SESTD1: variants seen among roughly 807,000 people sequenced by gnomAD.
SESTD1 encodes SEC14 and spectrin domain containing 1, also known as SEC14 domain and spectrin repeat-containing protein 1.
In SESTD1, 43 loss-of-function variants were observed where a neutral mutation model predicts 101.7. The ratio of observed to expected loss-of-function variants is 0.42; its 90% CI spans 0.33 to 0.55. The LOEUF is 0.55. Among genes scored for constraint, SESTD1 ranks in the 20% least tolerant of loss-of-function variants. The pLI is 0.07. For missense variants in SESTD1, 647 were observed against 815.1 expected (o/e 0.79, Z 2.51); for synonymous variants, 283 against 286.8 (o/e 0.99, Z 0.13).
intron 17 of SESTD1, among the ~76,000 whole-genome samples, chr2:179,111,082 T>A (rs1033479580): frequency 2.6e-5 from 4 of 152,122 alleles, no homozygotes; most frequent in African/African-American, 4.8e-5. Flanking sequence ...GACAACTGGC[T>A]GTGAAATGTA....
chr2:179,166,491 C>A lies in SESTD1; in HGVS notation c.369+5629G>T, dbSNP rs879907030. 5.2e-4 allele frequency among the ~76,000 whole-genome samples: 79 copies of A among 152,174 alleles called. 1 individual carries two copies. Among genetic ancestry groups the A allele is most frequent in the Non-Finnish European group, 1.2e-4 (8 of 68,008 alleles). Reference sequence around the variant, plus strand: ...AGACTATCACAGGGGAGGGAGTAGACCCAGGAATATATTATAAACCCGAAC... The same window carrying A: ...AGACTATCACAGGGGAGGGAGTAGAACCAGGAATATATTATAAACCCGAAC... On this transcript the variant is annotated intron_variant, in intron 5 of 17. Coordinates refer to ENST00000428443, the MANE Select transcript of SESTD1 (RefSeq NM_178123.5).
chr2:179,236,160 T>TCAAGATA (rs2047062427), intron 1 of SESTD1, among the ~76,000 whole-genome samples: 1 of 151,380 alleles, frequency 6.6e-6, no homozygotes, highest in African/African-American at 2.4e-5. Context: ...GTTGAATTAC[T>TCAAGATA]TAATATGAAC....
chr2:179,119,378 TTA>T (rs2044699999), intron 13 of SESTD1, among the ~76,000 whole-genome samples: 1 of 152,136 alleles, frequency 6.6e-6, no homozygotes, highest in African/African-American at 2.4e-5. Context: ...AGGCAGGAAA[TTA>T]AAAAAGGAGA....
intron 1 of SESTD1, among the ~76,000 whole-genome samples, chr2:179,195,959 T>C (rs2046384926): frequency 6.6e-6 from 1 of 151,998 alleles, no homozygotes. Flanking sequence ...GGAGCCAAGA[T>C]GGCCGAATAG....
chr2:179,229,774 T>TATATATATATATAC (rs1324308376), intron 1 of SESTD1, among the ~76,000 whole-genome samples: 1 of 115,040 alleles, frequency 8.7e-6, no homozygotes. Flanking sequence ...TATATATATA[T>TATATATATATATAC]ACTCAAATAC....
intron 9 of SESTD1, among the ~76,000 whole-genome samples, chr2:179,136,135 G>A (rs2045137818): frequency 6.6e-6 from 1 of 152,154 alleles, no homozygotes; most frequent in African/African-American, 2.4e-5. Context: ...CACTACTGGT[G>A]GGTCTGAATT....
At chr2:179,201,729 C>T (rs199821653) in intron 1 of SESTD1, among the ~76,000 whole-genome samples, 23,864 of 118,430 alleles carry the variant, frequency 0.2, 7,118 homozygotes, top group African/African-American at 0.54. Flanking sequence ...ACAATGAGAA[C>T]ACATGGACAC....
intron 5 of SESTD1, among the ~76,000 whole-genome samples, chr2:179,160,985 G>A (rs2045725146): frequency 6.6e-6 from 1 of 151,526 alleles, no homozygotes; most frequent in South Asian, 2.1e-4. Flanking sequence ...AGGCTGAAGG[G>A]CCACTGCACC....
chr2:179,193,410 A>G (rs1461441844), intron 1 of SESTD1, among the ~76,000 whole-genome samples: 2 of 152,220 alleles, frequency 1.3e-5, no homozygotes, highest in Non-Finnish European at 2.9e-5. Context: ...AAAAAAGCTC[A>G]CAATTTACAT....
Position 179,115,113 on chromosome 2 carries a change from T to C in SESTD1, c.1791A>G (p.Arg597=). Residue 597 remains arginine (R), a synonymous_variant, in exon 16 of 18, where the codon AGA becomes AGG. Coordinates refer to ENST00000428443, the MANE Select transcript of SESTD1 (RefSeq NM_178123.5). ...CAATAGCCATTTCCAATCTATGTACTCTCTCTTCAGATGCTATTGTAAATT... is the reference window on the plus strand; with the variant it reads ...CAATAGCCATTTCCAATCTATGTACCCTCTCTTCAGATGCTATTGTAAATT... The part of the protein sequence containing the change: ...WKQFTIASEE[R]VHRLEMAIAF... 1 of 1,611,426 alleles carries C rather than the reference T, an allele frequency of 6.2e-7. No homozygotes were observed. The highest frequency in any genetic ancestry group is 8.5e-7 in the Non-Finnish European group (1 of 1,179,440).
At chr2:179,227,078 A>AG (rs1459290356) in intron 1 of SESTD1, among the ~76,000 whole-genome samples, 1 of 152,202 alleles carries the variant, frequency 6.6e-6, no homozygotes, top group Non-Finnish European at 1.5e-5. Flanking sequence ...ATGAATGAAG[A>AG]GGGGCACTTT....
chr2:179,158,109 T>C (rs1260901095), intron 5 of SESTD1, among the ~76,000 whole-genome samples: 2 of 152,172 alleles, frequency 1.3e-5, no homozygotes, highest in Admixed American at 6.5e-5. Flanking sequence ...GTGCCCTAGT[T>C]CTGCCACAAA....
At chr2:179,168,774 A>G (rs900587030) in intron 5 of SESTD1, among the ~76,000 whole-genome samples, 6 of 149,686 alleles carry the variant, frequency 4.0e-5, no homozygotes, top group Admixed American at 1.3e-4. Flanking sequence ...ATTGCTGTAA[A>G]AGAAAACAGA....
At chr2:179,256,393 T>C (rs528252625) in intron 1 of SESTD1, among the ~76,000 whole-genome samples, 1 of 152,330 alleles carries the variant, frequency 6.6e-6, no homozygotes, top group Non-Finnish European at 1.5e-5. Context: ...CTTCCATAGA[T>C]AACTTTAAGG....
intron 5 of SESTD1, among the ~76,000 whole-genome samples, chr2:179,153,224 A>G (rs780613103): frequency 2.6e-5 from 4 of 152,208 alleles, no homozygotes; most frequent in Non-Finnish European, 5.9e-5. Context: ...AATGAAGTGA[A>G]TCATTAGATT....
At chr2:179,147,167 A>G (rs868678421) in intron 7 of SESTD1, among the ~76,000 whole-genome samples, 1 of 148,688 alleles carries the variant, frequency 6.7e-6, no homozygotes, top group Non-Finnish European at 1.5e-5. Flanking sequence ...GAAAAAAAAA[A>G]CAGACAGCTG....
intron 5 of SESTD1, among the ~76,000 whole-genome samples, chr2:179,160,807 T>C (rs906719830): frequency 1.3e-5 from 2 of 151,602 alleles, no homozygotes; most frequent in Non-Finnish European, 2.9e-5. Flanking sequence ...TCATTCTACT[T>C]TTTTTTTGCA....
At position 179,108,747 on chromosome 2, in the gene SESTD1, A is replaced by C. The variant is rs1291012475; in HGVS notation, c.*1152T>G. Reference sequence around the variant, plus strand: ...AATGTTCTGAAATAAAAATACATAAAATTTAAATTATATGCATTTTACCAT... The same window carrying C: ...AATGTTCTGAAATAAAAATACATAACATTTAAATTATATGCATTTTACCAT... On this transcript the variant is annotated 3_prime_UTR_variant, in exon 18 of 18. Coordinates refer to ENST00000428443, the MANE Select transcript of SESTD1 (RefSeq NM_178123.5). 1.3e-5 allele frequency: 2 copies of C among 152,094 alleles called. No individual in the cohort carries two copies. Among genetic ancestry groups the C allele is most frequent in the Non-Finnish European group, 2.9e-5 (2 of 68,008 alleles). 9.4% of individuals were successfully genotyped at this position (152,094 alleles called of 1,614,324 possible).
rs568342559 is a variant in SESTD1 at position 179,124,202 on chromosome 2, T to C, written c.1167+162A>G. Among the ~76,000 whole-genome samples, 146 of 152,276 alleles carry C rather than the reference T, an allele frequency of 9.6e-4. 1 individual carries two copies. The highest frequency in any genetic ancestry group is 3.2e-3 in the African/African-American group (133 of 41,556). On this transcript the variant is annotated intron_variant, in intron 11 of 17. Transcript: ENST00000428443. Reference sequence around the variant, plus strand: ...GCAGAATGACTTAAAAAATACTTGTTTTTAAAAAAAATCAAAGAATTTTAT... The same window carrying C: ...GCAGAATGACTTAAAAAATACTTGTCTTTAAAAAAAATCAAAGAATTTTAT...
Sources: gnomAD v4.1 joint callset for allele counts (sites outside exome capture counted in the v4.1 genomes callset) on GRCh38, gnomAD v4.1.1 for gene constraint, MANE v1.5 for transcripts, NCBI Gene and HGNC (gene_info 2026-07-23, HGNC 2026-07-21) for gene names.